WDR48: variants seen among roughly 807,000 people sequenced by gnomAD.
WDR48 encodes the protein WD repeat domain 48.
Under a neutral mutation model 94.0 loss-of-function variants are expected in WDR48, and 22 were observed. The ratio of observed to expected loss-of-function variants is 0.23; its 90% CI spans 0.17 to 0.33. The LOEUF (loss-of-function observed/expected upper bound fraction) is 0.33, where lower values mean the gene tolerates loss of function less well. Ranked by LOEUF, WDR48 falls within the 10% of genes least tolerant of loss-of-function variation. The pLI is 1.00. For synonymous variants in WDR48, 278 were observed against 280.5 expected (o/e 0.99, Z 0.09); for missense variants, 541 against 813.8 (o/e 0.66, Z 4.08).
Position 39,074,926 on chromosome 3 carries a change from T to C in WDR48, c.873T>C (p.Cys291=). The C allele has an allele frequency of 1.2e-6, 2 of 1,614,164 alleles. No homozygotes were observed. The highest frequency in any genetic ancestry group is 1.7e-6 in the Non-Finnish European group (2 of 1,180,024). ...ACCCTGACATTCGGGTGCTAATTTG[T>C]GAAGAAAAAGCACCAGTTCTCAAGG... is the stretch of plus-strand genomic sequence containing the variant. ...LRNPDIRVLI[C]EEKAPVLKME... is the part of the protein sequence containing the mutation. The change falls in exon 8 of 19, where the codon TGT becomes TGC. Residue 291 remains cysteine (C), a synonymous_variant. Transcript: ENST00000302313.
chr3:39,057,426 CTG>C (rs1049260131), intron 1 of WDR48, among the ~76,000 whole-genome samples: 1 of 152,146 alleles, frequency 6.6e-6, no homozygotes, highest in Admixed American at 6.5e-5. Context: ...AGTAGAGAGA[CTG>C]TTTTTCATTA....
At chr3:39,065,032 T>A (rs1194749732) in intron 2 of WDR48, among the ~76,000 whole-genome samples, 4 of 152,230 alleles carry the variant, frequency 2.6e-5, no homozygotes, top group Non-Finnish European at 5.9e-5. Flanking sequence ...CTTCCTTTTA[T>A]GACAAGATTG....
At chr3:39,062,395 G>A (rs1372998066) in intron 1 of WDR48, among the ~76,000 whole-genome samples, 4 of 152,168 alleles carry the variant, frequency 2.6e-5, no homozygotes, top group African/African-American at 9.7e-5. Flanking sequence ...AACAGACAGA[G>A]GTCACCAACA....
At position 39,079,767 on chromosome 3, in the gene WDR48, A is replaced by T; in HGVS notation, c.1132A>T (p.Lys378Ter). The T allele has an allele frequency of 6.4e-7, 1 of 1,556,776 alleles. No individual in the cohort carries two copies. Among genetic ancestry groups the T allele is most frequent in the Non-Finnish European group, 8.6e-7 (1 of 1,159,146 alleles). ...TAATGATAAGAGACATATATTAACC[A>T]AAGATACCAATAATAATGTGGCATA... Reference protein sequence around the residue: ...ILNDKRHILTKDTNNNVAYWD... With the variant: ...ILNDKRHILT The change falls in exon 11 of 19, where the codon AAA (lysine) becomes TAA (stop). Residue 378 changes from lysine to a stop codon, truncating the protein, a stop_gained. Transcript: ENST00000302313. LOFTEE classifies it high-confidence loss of function.
intron 1 of WDR48, among the ~76,000 whole-genome samples, chr3:39,055,250 G>T (rs1230587195): frequency 1.3e-5 from 2 of 152,194 alleles, no homozygotes; most frequent in Admixed American, 1.3e-4. Flanking sequence ...ACTTTGGGAG[G>T]CCAAGGTGGG....
At chr3:39,066,008 C>T (rs2033582644) in intron 3 of WDR48, 119 bp downstream of exon 3, 3 of 649,482 alleles carry the variant, frequency 4.6e-6, no homozygotes, top group Non-Finnish European at 7.2e-6. Context: ...CAGTTCAACA[C>T]AATTTTAGAA....
At chr3:39,061,829 T>C (rs576599900) in intron 1 of WDR48, among the ~76,000 whole-genome samples, 104 of 151,808 alleles carry the variant, frequency 6.9e-4, no homozygotes, top group African/African-American at 2.4e-3. Flanking sequence ...GTGGTTTTGA[T>C]TTGCATTTCT....
At chr3:39,054,412 A>G (rs1190737320) in intron 1 of WDR48, among the ~76,000 whole-genome samples, 1 of 152,172 alleles carries the variant, frequency 6.6e-6, no homozygotes, top group Non-Finnish European at 1.5e-5. Context: ...GTGACAACTA[A>G]AAATGTCTCC....
At chr3:39,063,790 A>C (rs76417067) in intron 2 of WDR48, among the ~76,000 whole-genome samples, 5,594 of 151,930 alleles carry the variant, frequency 0.037, 216 homozygotes, top group East Asian at 0.19. Flanking sequence ...AAAAAAAAAA[A>C]CTTAAAAATT....
rs778312615 is a variant in WDR48, at chr3:39,063,129, A to G, written c.128A>G (p.Asn43Ser). 1.5e-5 allele frequency: 25 copies of G among 1,614,130 alleles called. No individual in the cohort carries two copies. Among genetic ancestry groups the G allele is most frequent in the Admixed American group, 5.0e-5 (3 of 60,018 alleles). The change falls in exon 2 of 19, where the codon AAT (asparagine) becomes AGT (serine). Residue 43 changes from asparagine (N) to serine (S), a missense_variant. This residue lies in a region of WDR48 where 90 missense variants were observed against 122.3 expected (regional missense o/e 0.74). Transcript: ENST00000302313. ...GCTCTGCAGCTGGATCCAGCACTAAATAGACTTTTCACAGCCGGTCGAGAC... is the reference window on the plus strand; with the variant it reads ...GCTCTGCAGCTGGATCCAGCACTAAGTAGACTTTTCACAGCCGGTCGAGAC... The part of the protein sequence containing the change: ...VNALQLDPAL[N>S]RLFTAGRDSI...
intron 2 of WDR48, among the ~76,000 whole-genome samples, chr3:39,065,098 T>A (rs1325948216): frequency 1.3e-5 from 2 of 152,198 alleles, no homozygotes; most frequent in African/African-American, 4.8e-5. Context: ...GCCCATAAAG[T>A]GTCTCAAACT....
intron 14 of WDR48, chr3:39,086,212 A>G (rs1157274912): frequency 2.0e-5 from 3 of 152,308 alleles, no homozygotes; most frequent in Non-Finnish European, 4.4e-5. Context: ...AGAGGAGAAC[A>G]TGTTTTGAAT....
chr3:39,084,753 T>TG lies in WDR48; in HGVS notation c.1378+13dup. On this transcript the variant is annotated intron_variant, in intron 13 of 18. Coordinates refer to ENST00000302313, the MANE Select transcript of WDR48 (RefSeq NM_020839.4). ...GTCAGATCCAAAATGTGAGTTTAAGTGTCCTTCATTTTTTTCCTCCCTTCT... is the reference window on the plus strand; with the variant it reads ...GTCAGATCCAAAATGTGAGTTTAAGTGGTCCTTCATTTTTTTCCTCCCTTCT... 1 of 1,608,582 alleles carries TG rather than the reference T, an allele frequency of 6.2e-7. No individual in the cohort carries two copies. Among genetic ancestry groups the TG allele is most frequent in the South Asian group, 1.1e-5 (1 of 90,078 alleles).
At chr3:39,083,060 G>A (rs1360073149) in intron 11 of WDR48, among the ~76,000 whole-genome samples, 3 of 152,196 alleles carry the variant, frequency 2.0e-5, no homozygotes, top group Non-Finnish European at 4.4e-5. Flanking sequence ...GAAGAAGCTT[G>A]CGGTTAGTGG....
intron 16 of WDR48, chr3:39,090,186 A>G (rs562742661): frequency 1.3e-5 from 2 of 152,220 alleles, no homozygotes; most frequent in East Asian, 3.8e-4. Context: ...GGCAAATAGT[A>G]TCTCATTATT....
chr3:39,075,100 G>C, intron 8 of WDR48, 150 bp downstream of exon 8: 1 of 757,280 alleles, frequency 1.3e-6, no homozygotes, highest in Admixed American at 2.8e-5. Context: ...AGCAGAACTT[G>C]ACAGGGTAAG....
chr3:39,087,300 G>A (rs921107340), intron 14 of WDR48, among the ~76,000 whole-genome samples: 5 of 152,170 alleles, frequency 3.3e-5, no homozygotes, highest in African/African-American at 1.2e-4. Context: ...CAGTGCTTTG[G>A]GAGGCCTCTA....
intron 1 of WDR48, among the ~76,000 whole-genome samples, chr3:39,062,198 A>G (rs1013400307): frequency 6.6e-6 from 1 of 152,128 alleles, no homozygotes; most frequent in Admixed American, 6.5e-5. Context: ...CCTGAATTGT[A>G]TTGCCTAGGT....
At chr3:39,065,999 A>T (rs2033582314) in intron 3 of WDR48, 110 bp downstream of exon 3, 2 of 690,248 alleles carry the variant, frequency 2.9e-6, no homozygotes, top group Admixed American at 3.7e-5. Flanking sequence ...TCGAGATTGC[A>T]GTTCAACACA....
Sources: gnomAD v4.1 joint callset for allele counts (sites outside exome capture counted in the v4.1 genomes callset) on GRCh38, gnomAD v4.1.1 for gene constraint, gnomAD v4.1.1 regional missense constraint, MANE v1.5 for transcripts, NCBI Gene and HGNC (gene_info 2026-07-23, HGNC 2026-07-21) for gene names.